SMC1A: variants seen among roughly 807,000 people sequenced by gnomAD.
The protein encoded by SMC1A is structural maintenance of chromosomes protein 1A.
A neutral mutation model predicts 94.5 loss-of-function variants in SMC1A; 4 were observed. That is an observed-to-expected ratio of 0.04 (90% confidence interval 0.02 to 0.10). SMC1A has a LOEUF of 0.10. Ranked by LOEUF, SMC1A falls within the 10% of genes least tolerant of loss-of-function variation. The pLI is 1.00. For synonymous variants in SMC1A, 345 were observed against 347.7 expected (o/e 0.99, Z 0.09); for missense variants, 304 against 989.0 (o/e 0.31, Z 9.29).
At position 53,394,864 on chromosome X, in the gene SMC1A, C is replaced by A; in HGVS notation, c.2887G>T (p.Val963Leu). Residue 963 changes from valine to leucine, a missense_variant, in exon 19 of 25, where the codon GTG (valine) becomes TTG (leucine). Transcript: ENST00000322213. ...EEGSSQGEDS[V>L]SGSQRISSIY... is the part of the protein sequence containing the mutation. ...CTGGAAATTCTCTGTGAACCACTCA[C>A]TGAGTCCTCCCCCTGGGAGCTACCC... 8.3e-7 allele frequency: 1 copy of A among 1,198,417 alleles called. No homozygotes were observed. Among genetic ancestry groups the A allele is most frequent in the Non-Finnish European group, 1.1e-6 (1 of 883,682 alleles).
chrX:53,403,214 TA>T (rs1222245410), intron 15 of SMC1A, among the ~76,000 whole-genome samples: 48 of 91,613 alleles, frequency 5.2e-4, no homozygotes, highest in African/African-American at 5.6e-4. Flanking sequence ...CAGGTAATCT[TA>T]AAAAAAAAAA....
Position 53,403,691 on chromosome X carries a change from G to T in SMC1A, c.2314-19C>A. ...CCTCTACCTGAGAAGAGAAGCCAGG[G>T]AGGGCATCGGCCCTTTTAGTCTGTC... is the stretch of plus-strand genomic sequence containing the variant. On this transcript the variant is annotated intron_variant, in intron 14 of 24. Coordinates refer to ENST00000322213, the MANE Select transcript of SMC1A (RefSeq NM_006306.4). 8.4e-7 allele frequency: 1 copy of T among 1,188,002 alleles called. No individual in the cohort carries two copies. The highest frequency in any genetic ancestry group is 1.1e-6 in the Non-Finnish European group (1 of 876,557).
Position 53,405,679 on chromosome X carries a change from G to A in SMC1A, c.1732-7C>T. 8 of 1,211,566 alleles carry A rather than the reference G, an allele frequency of 6.6e-6. No individual in the cohort carries two copies. The highest frequency in any genetic ancestry group is 7.8e-6 in the Non-Finnish European group (7 of 895,320). ...TCTCATCTGTAGGCTTCACCTGTGG[G>A]GAGAAGCTCAGTCAGTGGCAGAACA... On this transcript the variant is annotated splice_polypyrimidine_tract_variant and splice_region_variant and intron_variant, in intron 10 of 24. Transcript: ENST00000322213.
chrX:53,408,958 A>G lies in SMC1A; in HGVS notation c.1545+104T>C, dbSNP rs1250526222. The G allele has an allele frequency of 1.2e-5, 9 of 781,183 alleles. No homozygotes were observed. In the African/African-American group the frequency reaches 1.9e-4, roughly 16 times the overall value. The allele number at this position is 781,183 out of a possible 1,213,427, so 64.4% of individuals were successfully genotyped here. On this transcript the variant is annotated intron_variant, in intron 9 of 24. Coordinates refer to ENST00000322213, the MANE Select transcript of SMC1A (RefSeq NM_006306.4). ...ACCTCTCCGAGCCTCATTTCCCCCAACAATAAAAATGGGATTGGCAACCCT... is the reference window on the plus strand; with the variant it reads ...ACCTCTCCGAGCCTCATTTCCCCCAGCAATAAAAATGGGATTGGCAACCCT...
chrX:53,391,644 A>C (rs1016652029), intron 19 of SMC1A, among the ~76,000 whole-genome samples: 5 of 110,788 alleles, frequency 4.5e-5, no homozygotes, highest in Admixed American at 9.6e-5. Context: ...TTCCTGCCTC[A>C]GCCTCCTGAG....
At chrX:53,396,721 CA>C (rs2075652572) in intron 16 of SMC1A, 104 bp from the exon 17 acceptor site, 2 of 924,153 alleles carry the variant, frequency 2.2e-6, no homozygotes, top group Admixed American at 4.6e-5. Context: ...TTATTGGAGT[CA>C]CTCGTCAATG....
intron 15 of SMC1A, 24 bp from the exon 16 acceptor site, chrX:53,399,754 A>G: frequency 8.4e-7 from 1 of 1,188,772 alleles, no homozygotes; most frequent in Non-Finnish European, 1.1e-6. Flanking sequence ...TGGGGGGAGA[A>G]TCACTCATAA....
chrX:53,406,418 T>C (rs2075691268), intron 9 of SMC1A, among the ~76,000 whole-genome samples: 1 of 111,476 alleles, frequency 9.0e-6, no homozygotes, highest in Non-Finnish European at 1.9e-5. Flanking sequence ...AAGAAATGAA[T>C]AAATGAGTTA....
intron 18 of SMC1A, among the ~76,000 whole-genome samples, chrX:53,395,284 A>G (rs2075646839): frequency 8.9e-6 from 1 of 112,592 alleles, no homozygotes; most frequent in Non-Finnish European, 1.9e-5. Context: ...CGGAGGCTGC[A>G]GTGAGCCAAG....
intron 15 of SMC1A, among the ~76,000 whole-genome samples, chrX:53,402,868 C>CAAACAAAAAAAAAA (rs1442082022): frequency 9.9e-5 from 1 of 10,076 alleles, no homozygotes; most frequent in African/African-American, 7.5e-4. Flanking sequence ...GACTCTGTCT[C>CAAACAAAAAAAAAA]AAAAAAAAAA....
chrX:53,402,868 C>CAAAAAAAAAAA (rs151144282), intron 15 of SMC1A, among the ~76,000 whole-genome samples: 887 of 10,039 alleles, frequency 0.088, 302 homozygotes, highest in South Asian at 0.15. Context: ...GACTCTGTCT[C>CAAAAAAAAAAA]AAAAAAAAAA....
intron 19 of SMC1A, among the ~76,000 whole-genome samples, chrX:53,393,502 G>C (rs2075637499): frequency 9.0e-6 from 1 of 111,368 alleles, no homozygotes; most frequent in Non-Finnish European, 1.9e-5. Flanking sequence ...TGATATTGTG[G>C]AGTTATTGTT....
rs1288370829 is a variant in SMC1A at position 53,377,527 on chromosome X, T to A, written c.*2576A>T. ...CCTGTGTATATATTGCTTTACTTTTTAAAAAGGAAAAAGAAAAAGCTTTAC... is the reference window on the plus strand; with the variant it reads ...CCTGTGTATATATTGCTTTACTTTTAAAAAAGGAAAAAGAAAAAGCTTTAC... On this transcript the variant is annotated 3_prime_UTR_variant, in exon 25 of 25. Coordinates refer to ENST00000322213, the MANE Select transcript of SMC1A (RefSeq NM_006306.4). The A allele has an allele frequency of 8.0e-5, 9 of 112,158 alleles. No individual in the cohort carries two copies. The highest frequency in any genetic ancestry group is 2.6e-4 in the African/African-American group (8 of 30,772). The allele number at this position is 112,158 out of a possible 1,213,427, so 9.2% of individuals were successfully genotyped here.
intron 7 of SMC1A, among the ~76,000 whole-genome samples, chrX:53,410,665 T>A (rs192792658): frequency 9.3e-6 from 1 of 107,762 alleles, no homozygotes; most frequent in Non-Finnish European, 1.9e-5. Context: ...CCGGGAATGG[T>A]GGCTGGTGCC....
chrX:53,382,478 G>A (rs1602398525), intron 21 of SMC1A, 28 bp downstream of exon 21: 1 of 1,205,411 alleles, frequency 8.3e-7, no homozygotes, highest in Non-Finnish European at 1.1e-6. Context: ...GATGGTAGCA[G>A]CTGGTTGGGT....
chrX:53,422,661 G>A (rs1377321966), upstream of SMC1A: 8 of 768,241 alleles, frequency 1.0e-5, no homozygotes, highest in Non-Finnish European at 1.6e-5. Context: ...AACTGAGGTA[G>A]CCCGCGCGGG....
At chrX:53,389,133 G>GT (rs1253714652) in intron 19 of SMC1A, among the ~76,000 whole-genome samples, 1 of 101,171 alleles carries the variant, frequency 9.9e-6, no homozygotes, top group African/African-American at 3.6e-5. Context: ...TTTTTTTTTG[G>GT]TCGGGGGGGT....
intron 22 of SMC1A, chrX:53,381,715 C>T (rs1480267746): frequency 1.2e-5 from 2 of 163,651 alleles, no homozygotes; most frequent in Admixed American, 7.3e-5. Context: ...GCCAGAGACC[C>T]TGTCTGATAC....
intron 1 of SMC1A, among the ~76,000 whole-genome samples, chrX:53,417,611 C>T (rs2075737369): frequency 9.7e-6 from 1 of 102,702 alleles, no homozygotes; most frequent in African/African-American, 3.6e-5. Context: ...ATTTCTGAGA[C>T]ATAGGTAAAC....
Sources: allele counts gnomAD v4.1 joint callset (sites outside exome capture counted in the v4.1 genomes callset), GRCh38; gene constraint gnomAD v4.1.1; transcripts MANE v1.5; gene names NCBI Gene and HGNC (gene_info 2026-07-23, HGNC 2026-07-21).